LPAR3: variants seen among roughly 807,000 people sequenced by gnomAD.
LPAR3 encodes the protein lysophosphatidic acid receptor 3.
In LPAR3, 7 loss-of-function variants were observed where a neutral mutation model predicts 17.8. That is an observed-to-expected ratio of 0.39 (90% CI 0.22 to 0.74). The LOEUF (loss-of-function observed/expected upper bound fraction) is 0.74. LPAR3 is among the 30% of genes least tolerant of loss of function. The probability of loss-of-function intolerance (pLI) is 0.40; values close to 1 mark genes in which losing one functional copy is unlikely to be tolerated. For synonymous variants in LPAR3, 179 were observed against 179.9 expected, an observed-to-expected ratio of 0.99 and a Z score of 0.04; for missense variants, 391 against 453.4, an observed-to-expected ratio of 0.86 and a Z score of 1.25.
At chr1:84,858,427 T>C (rs1281929202) in intron 2 of LPAR3, among the ~76,000 whole-genome samples, 3 of 141,990 alleles carry the variant, frequency 2.1e-5, no homozygotes, top group African/African-American at 8.1e-5. Context: ...GAGGTTGCAG[T>C]GAGCGGAGAT....
chr1:84,834,168 ACTAGAT>A (rs1659348791), intron 2 of LPAR3, among the ~76,000 whole-genome samples: 1 of 152,180 alleles, frequency 6.6e-6, no homozygotes, highest in Non-Finnish European at 1.5e-5. Context: ...CACTTTCTCA[ACTAGAT>A]CATATAGGTA....
chr1:84,887,029 T>A (rs7552114), intron 1 of LPAR3, among the ~76,000 whole-genome samples: 83,891 of 151,904 alleles, frequency 0.55, 23,488 homozygotes, highest in Middle Eastern at 0.65. Context: ...CTTATAGTAG[T>A]ATGCCAACTA....
At chr1:84,844,805 A>T (rs72718712) in intron 2 of LPAR3, among the ~76,000 whole-genome samples, 1,841 of 152,004 alleles carry the variant, frequency 0.012, 16 homozygotes, top group South Asian at 0.043. Flanking sequence ...CACACATACA[A>T]CCCCGACCCC....
intron 2 of LPAR3, among the ~76,000 whole-genome samples, chr1:84,838,540 C>T (rs1659447257): frequency 6.6e-6 from 1 of 152,126 alleles, no homozygotes; most frequent in South Asian, 2.1e-4. Flanking sequence ...CAGTTATCTC[C>T]CTAATCCATC....
chr1:84,839,289 T>A (rs1659463082), intron 2 of LPAR3, among the ~76,000 whole-genome samples: 3 of 152,212 alleles, frequency 2.0e-5, no homozygotes, highest in African/African-American at 2.4e-5. Flanking sequence ...TTTTCCCAAT[T>A]TTTTGCACCA....
At chr1:84,821,752 A>C (rs550932206) in intron 2 of LPAR3, among the ~76,000 whole-genome samples, 2 of 152,316 alleles carry the variant, frequency 1.3e-5, no homozygotes, top group South Asian at 4.1e-4. Flanking sequence ...GGTTGTGGAG[A>C]TGGTCAGAGA....
intron 2 of LPAR3, among the ~76,000 whole-genome samples, chr1:84,818,198 A>G (rs1658979150): frequency 1.3e-5 from 2 of 152,262 alleles, no homozygotes; most frequent in South Asian, 4.1e-4. Context: ...AGCATCTGAC[A>G]CAAGATCATT....
intron 2 of LPAR3, among the ~76,000 whole-genome samples, chr1:84,862,339 C>T (rs772035327): frequency 6.6e-6 from 1 of 152,126 alleles, no homozygotes; most frequent in Non-Finnish European, 1.5e-5. Flanking sequence ...AAAAGATGAG[C>T]GTAAAAAGTC....
intron 2 of LPAR3, among the ~76,000 whole-genome samples, chr1:84,855,065 C>A (rs907529379): frequency 6.6e-6 from 1 of 152,126 alleles, no homozygotes; most frequent in Non-Finnish European, 1.5e-5. Context: ...GGGAAGATGA[C>A]TCCTGCCAAT....
At chr1:84,845,485 C>T (rs531537176) in intron 2 of LPAR3, among the ~76,000 whole-genome samples, 2 of 152,076 alleles carry the variant, frequency 1.3e-5, no homozygotes, top group Non-Finnish European at 2.9e-5. Flanking sequence ...GTATAAAGGC[C>T]CTGTAAACTA....
intron 2 of LPAR3, among the ~76,000 whole-genome samples, chr1:84,861,960 A>G (rs1406775099): frequency 6.6e-6 from 1 of 152,164 alleles, no homozygotes; most frequent in Non-Finnish European, 1.5e-5. Context: ...ATTACATACA[A>G]AACTGAAGTT....
chr1:84,826,937 ATTTC>A, intron 2 of LPAR3, among the ~76,000 whole-genome samples: 1 of 152,310 alleles, frequency 6.6e-6, no homozygotes, highest in East Asian at 1.9e-4. Flanking sequence ...CATGCACTAG[ATTTC>A]TACGGCAAGA....
rs1659117812 is a variant in LPAR3 at position 84,824,632 on chromosome 1, T to C, written c.737-10461A>G. ...TGATGATATGACCCAACAGGATTTT[T>C]GTGAAAATGGAATGAGATAATATGT... On this transcript the variant is annotated intron_variant, in intron 2 of 2. Coordinates refer to ENST00000370611, the MANE Select transcript of LPAR3 (RefSeq NM_012152.3). 1.3e-5 allele frequency among the ~76,000 whole-genome samples: 2 copies of C among 152,212 alleles called. 1 individual carries two copies. Among genetic ancestry groups the C allele is most frequent in the South Asian group, 4.1e-4 (2 of 4,828 alleles).
rs542968885 is a variant in LPAR3, at chr1:84,837,168, C to T, written c.737-22997G>A. On this transcript the variant is annotated intron_variant, in intron 2 of 2. Coordinates refer to ENST00000370611, the MANE Select transcript of LPAR3 (RefSeq NM_012152.3). ...TCCTGAGTAGCTGGGACTACAGGCA[C>T]GTGCCACCACACCCAGCTAGTTTTT... Among the ~76,000 whole-genome samples the T allele has an allele frequency of 3.3e-5, 5 of 152,060 alleles. No homozygotes were observed. The East Asian group carries it at 5.8e-4, about 18-fold the overall frequency.
rs534980937 is a variant in LPAR3, at chr1:84,827,768, C to T, written c.737-13597G>A. Among the ~76,000 whole-genome samples, 4 of 152,200 alleles carry T rather than the reference C, an allele frequency of 2.6e-5. No individual in the cohort carries two copies. In the South Asian group the frequency reaches 8.3e-4, roughly 32 times the overall value. ...CTGAAGAATGACATCATGAATAAAG[C>T]ACATTGAAAGGCTTAGAGACAACTA... On this transcript the variant is annotated intron_variant, in intron 2 of 2. Transcript: ENST00000370611.
intron 2 of LPAR3, among the ~76,000 whole-genome samples, chr1:84,832,519 TAAA>T (rs996139107): frequency 1.3e-5 from 2 of 152,120 alleles, no homozygotes; most frequent in African/African-American, 4.8e-5. Flanking sequence ...GACGACATGA[TAAA>T]GAAGATAGGG....
At chr1:84,818,376 G>A (rs771751953) in intron 2 of LPAR3, among the ~76,000 whole-genome samples, 1 of 152,106 alleles carries the variant, frequency 6.6e-6, no homozygotes, top group Non-Finnish European at 1.5e-5. Flanking sequence ...TTGTGCTGGG[G>A]AGAAAACTTT....
At chr1:84,875,235 C>A (rs1660234981) in intron 1 of LPAR3, among the ~76,000 whole-genome samples, 1 of 152,172 alleles carries the variant, frequency 6.6e-6, no homozygotes, top group Non-Finnish European at 1.5e-5. Context: ...ACATTCACAG[C>A]TGAAAGAGAT....
chr1:84,856,712 C>G (rs1659837081), intron 2 of LPAR3, among the ~76,000 whole-genome samples: 1 of 152,162 alleles, frequency 6.6e-6, no homozygotes, highest in Admixed American at 6.5e-5. Flanking sequence ...ACTAGCTACT[C>G]TCGAAGGATT....
Sources: allele counts gnomAD v4.1 joint callset (sites outside exome capture counted in the v4.1 genomes callset), GRCh38; gene constraint gnomAD v4.1.1; transcripts MANE v1.5; gene names NCBI Gene and HGNC (gene_info 2026-07-23, HGNC 2026-07-21).